The following NOS3 variants were observed in gnomAD, a reference collection of about 807,000 sequenced individuals.
The protein encoded by NOS3 is nitric oxide synthase 3.
NOS3 carries 98 observed loss-of-function variants against 144.9 expected under a neutral mutation model. The observed-to-expected ratio is 0.68, with a 90% confidence interval of 0.57 to 0.80. The LOEUF (loss-of-function observed/expected upper bound fraction) is 0.80, where lower values mean the gene tolerates loss of function less well. Ranked by LOEUF, NOS3 falls within the 30% of genes least tolerant of loss-of-function variation. The pLI is 0.00. For missense variants in NOS3, 1,465 were observed against 1,656.4 expected (o/e 0.88, Z 2.01); for synonymous variants, 714 against 702.4 (o/e 1.02, Z -0.26).
chr7:151,014,052 C>T lies in NOS3; in HGVS notation c.3495C>T (p.Arg1165=). Residue 1165 remains arginine (R), a synonymous_variant, in exon 27 of 27, where the codon CGC becomes CGT. Coordinates refer to ENST00000297494, the MANE Select transcript of NOS3 (RefSeq NM_000603.5). ...AAGACATTTTCGGGCTCACGCTGCGCACCCAGGAGGTGACAAGCCGCATAC... is the reference window on the plus strand; with the variant it reads ...AAGACATTTTCGGGCTCACGCTGCGTACCCAGGAGGTGACAAGCCGCATAC... The part of the protein sequence containing the change: ...YHEDIFGLTL[R]TQEVTSRIRT... The T allele has an allele frequency of 6.2e-7, 1 of 1,613,734 alleles. No individual in the cohort carries two copies. Among genetic ancestry groups the T allele is most frequent in the Non-Finnish European group, 8.5e-7 (1 of 1,179,838 alleles).
intron 14 of NOS3, among the ~76,000 whole-genome samples, chr7:151,005,756 T>C (rs1445187010): frequency 2.0e-5 from 3 of 152,190 alleles, no homozygotes; most frequent in Admixed American, 2.0e-4. Flanking sequence ...AAGTACAATG[T>C]AGCCACTAAA....
At position 151,002,980 on chromosome 7, in the gene NOS3, A is replaced by G. The variant is rs1795142222; in HGVS notation, c.1752+676A>G. 1 of 249,986 alleles carries G rather than the reference A, an allele frequency of 4.0e-6. No individual in the cohort carries two copies. Among genetic ancestry groups the G allele is most frequent in the Admixed American group, 5.3e-5 (1 of 18,864 alleles). The allele number at this position is 249,986 out of a possible 1,614,324, so 15.5% of individuals were successfully genotyped here. A position where few individuals can be genotyped will look rare whatever the true frequency, so the allele number is the denominator to read the frequency against. The stretch of plus-strand genomic sequence containing the variant: ...AACTTCACTTTTTAAAAAGAAACAC[A>G]AAGCTAGAGTACCATCATTGAATTC... On this transcript the variant is annotated intron_variant, in intron 14 of 26. Transcript: ENST00000297494. The surrounding 1 kb of genome is among the most constrained non-coding windows in gnomAD (Gnocchi z 4.1).
chr7:151,008,792 G>C (rs933598953), intron 17 of NOS3, 138 bp from the exon 18 acceptor site: 1 of 984,860 alleles, frequency 1.0e-6, no homozygotes, highest in Admixed American at 3.2e-5. Context: ...GGCGGAAAAG[G>C]TGCTGTCCTT....
In NOS3 at chr7:151,001,164, G is replaced by A. The variant is rs28763996; in HGVS notation, c.1234-67G>A. The A allele has an allele frequency of 3.2e-4, 493 of 1,529,328 alleles. 2 individuals carry two copies. In the African/African-American group the frequency reaches 4.0e-3, roughly 12 times the overall value. 94.7% of individuals were successfully genotyped at this position (1,529,328 alleles called of 1,614,324 possible). Reference sequence around the variant, plus strand: ...ACATGTGGTTTGGGGTGACCGGAGTGGTGGAGGAAGAATGGGCGAGGTCTG... The same window carrying A: ...ACATGTGGTTTGGGGTGACCGGAGTAGTGGAGGAAGAATGGGCGAGGTCTG... On this transcript the variant is annotated intron_variant, in intron 10 of 26. Coordinates refer to ENST00000297494, the MANE Select transcript of NOS3 (RefSeq NM_000603.5).
intron 1 of NOS3, among the ~76,000 whole-genome samples, chr7:150,992,831 G>A (rs1802282313): frequency 2.6e-5 from 4 of 152,272 alleles, no homozygotes; most frequent in Admixed American, 2.6e-4. Context: ...CCCAGCTAGT[G>A]GCCTTTCTCC....
intron 25 of NOS3, 133 bp downstream of exon 25, chr7:151,013,512 T>TG: frequency 8.1e-7 from 1 of 1,238,514 alleles, no homozygotes; most frequent in Non-Finnish European, 1.1e-6. Context: ...CTGCACACTC[T>TG]GGCCCACCCT....
intron 25 of NOS3, 114 bp from the exon 26 acceptor site, chr7:151,013,610 A>C: frequency 4.6e-6 from 4 of 862,684 alleles, no homozygotes; most frequent in Non-Finnish European, 6.3e-6. Context: ...CAGGGCACGC[A>C]GGCCCCACCA....
At chr7:151,006,824 G>GGGGCT (rs1252194088) in intron 15 of NOS3, 65 bp from the exon 16 acceptor site, 1 of 1,292,242 alleles carries the variant, frequency 7.7e-7, no homozygotes, top group Non-Finnish European at 1.1e-6. Flanking sequence ...CCCTGGGGCT[G>GGGGCT]GGGCTGGGCC....
chr7:151,006,960 A>G lies in NOS3; in HGVS notation c.1892A>G (p.Lys631Arg). The G allele has an allele frequency of 6.2e-7, 1 of 1,614,144 alleles. No individual in the cohort carries two copies. Among genetic ancestry groups the G allele is most frequent in the South Asian group, 1.1e-5 (1 of 91,082 alleles). ...GTGTCCTCTTGGCGGCGGAAGAGGA[A>G]GGAGTCCAGTAACACAGACAGTGCA... ...PLVSSWRRKR[K>R]ESSNTDSAGA... Residue 631 changes from lysine to arginine, a missense_variant, in exon 16 of 27, where the codon AAG becomes AGG. Physicochemically the swap from Lys to Arg is conservative, Grantham distance 26. Coordinates refer to ENST00000297494, the MANE Select transcript of NOS3 (RefSeq NM_000603.5).
At chr7:150,999,490 G>A in intron 9 of NOS3, 126 bp downstream of exon 9, 1 of 1,017,100 alleles carries the variant, frequency 9.8e-7, no homozygotes, top group East Asian at 2.5e-5. Flanking sequence ...CCTCCTAAAT[G>A]GGAACTGAGG....
At chr7:151,004,871 T>G (rs1225555387) in intron 14 of NOS3, among the ~76,000 whole-genome samples, 2 of 152,122 alleles carry the variant, frequency 1.3e-5, no homozygotes, top group African/African-American at 2.4e-5. Context: ...TTTGTTTTTG[T>G]TTTTGAGCTG....
chr7:151,005,411 C>T (rs1260835901), intron 14 of NOS3, among the ~76,000 whole-genome samples: 4 of 152,180 alleles, frequency 2.6e-5, no homozygotes. Context: ...CATGGCAGCA[C>T]AAACAAGGCC....
chr7:150,999,117 G>A, intron 8 of NOS3, 32 bp downstream of exon 8: 2 of 1,612,522 alleles, frequency 1.2e-6, no homozygotes, highest in Non-Finnish European at 8.5e-7. Flanking sequence ...TGGGTGGGAT[G>A]GAGGGGGCCA....
chr7:150,993,662 C>T lies in NOS3; in HGVS notation c.-51-91C>T, dbSNP rs1159831183. 1.4e-5 allele frequency: 11 copies of T among 781,082 alleles called. No individual in the cohort carries two copies. Among genetic ancestry groups the T allele is most frequent in the Non-Finnish European group, 2.2e-5 (11 of 502,950 alleles). 48.4% of individuals were successfully genotyped at this position (781,082 alleles called of 1,614,324 possible). A position where few individuals can be genotyped will look rare whatever the true frequency, so the allele number is the denominator to read the frequency against. On this transcript the variant is annotated intron_variant, in intron 1 of 26. Transcript: ENST00000297494. This position sits in a 1 kb window ranked among gnomAD's most constrained non-coding sequence, Gnocchi z 4.0. ...CTCCCAGCCGGGCTTGTTCCTGTCC[C>T]ATTGTGTATGGGATAGGGGCGGGGC...
Position 151,001,311 on chromosome 7 carries a change from G to A in NOS3, c.1314G>A (p.Arg438=), listed in dbSNP as rs755294998. 8 of 1,613,664 alleles carry A rather than the reference G, an allele frequency of 5.0e-6. No individual in the cohort carries two copies. The highest frequency in any genetic ancestry group is 2.2e-5 in the South Asian group (2 of 91,094). ...ACCTGGAGAATGAGCAGAAGGCCAGGGGGGGCTGCCCTGCAGACTGGGCCT... is the reference window on the plus strand; with the variant it reads ...ACCTGGAGAATGAGCAGAAGGCCAGAGGGGGCTGCCCTGCAGACTGGGCCT... The part of the protein sequence containing the change: ...MKHLENEQKA[R]GGCPADWAWI... The change falls in exon 11 of 27, where the codon AGG becomes AGA. Residue 438 remains arginine (R), a synonymous_variant. Coordinates refer to ENST00000297494, the MANE Select transcript of NOS3 (RefSeq NM_000603.5).
rs533766942 is a variant in NOS3, at chr7:150,998,746, G to T, written c.816+66G>T. 5 of 1,547,480 alleles carry T rather than the reference G, an allele frequency of 3.2e-6. No homozygotes were observed. In the African/African-American group the frequency reaches 5.4e-5, roughly 17 times the overall value. On this transcript the variant is annotated intron_variant, in intron 7 of 26. Coordinates refer to ENST00000297494, the MANE Select transcript of NOS3 (RefSeq NM_000603.5). The surrounding 1 kb of genome is among the most constrained non-coding windows in gnomAD (Gnocchi z 5.0). The stretch of plus-strand genomic sequence containing the variant: ...GAGAATGAGGAAACCAGTGGGAGAA[G>T]GCTCGGGGGATCCAGGCAGGAAGAG...
At position 150,997,821 on chromosome 7, in the gene NOS3, C is replaced by T. The variant is rs576356280; in HGVS notation, c.583-536C>T. 7.5e-4 allele frequency among the ~76,000 whole-genome samples: 115 copies of T among 152,324 alleles called. No individual in the cohort carries two copies. In the Middle Eastern group the frequency reaches 0.017, roughly 23 times the overall value. On this transcript the variant is annotated intron_variant, in intron 5 of 26. Transcript: ENST00000297494. ...CAGGTTGGTCCCTGCCACTCCCCTG[C>T]CCCTGTCACTGACACATGTTTCCTC...
chr7:151,006,309 A>G (rs1795205538), intron 14 of NOS3, 118 bp from the exon 15 acceptor site: 1 of 812,148 alleles, frequency 1.2e-6, no homozygotes, highest in African/African-American at 1.7e-5. Flanking sequence ...AATTTTCAAA[A>G]CAAATAAAAA....
rs765979092 is a variant in NOS3, at chr7:151,010,128, C to G, written c.2526C>G (p.Pro842=). 2.5e-6 allele frequency: 4 copies of G among 1,602,378 alleles called. No homozygotes were observed. Among genetic ancestry groups the G allele is most frequent in the East Asian group, 4.5e-5 (2 of 44,846 alleles). Residue 842 remains proline, a synonymous_variant, in exon 21 of 27, where the codon CCC becomes CCG. Transcript: ENST00000297494. The part of the protein sequence containing the change: ...LEKGSPGGPP[P]GWVRDPRLPP... Reference sequence around the variant, plus strand: ...CACTATCCCCAGGTGGCCCTCCCCCCGGCTGGGTGCGGGACCCCCGGCTGC... The same window carrying G: ...CACTATCCCCAGGTGGCCCTCCCCCGGGCTGGGTGCGGGACCCCCGGCTGC...
Sources: allele counts gnomAD v4.1 joint callset (sites outside exome capture counted in the v4.1 genomes callset), GRCh38; gene constraint gnomAD v4.1.1; non-coding constraint Gnocchi (gnomAD v3.1); transcripts MANE v1.5; gene names NCBI Gene and HGNC (gene_info 2026-07-23, HGNC 2026-07-21).